Variants in VWA5B2 observed in about 807,000 individuals in gnomAD.
The protein encoded by VWA5B2 is von Willebrand factor A domain containing 5B2, also known as von Willebrand factor A domain-containing protein 5B2.
A neutral mutation model predicts 118.5 loss-of-function variants in VWA5B2; 93 were observed. The ratio of observed to expected loss-of-function variants is 0.79; its 90% CI spans 0.66 to 0.93. VWA5B2 has a LOEUF of 0.93. Among genes scored for constraint, VWA5B2 ranks in the 40% least tolerant of loss-of-function variants. VWA5B2 has a pLI of 0.00. For synonymous variants in VWA5B2, 708 were observed against 716.3 expected (o/e 0.99, Z 0.19); for missense variants, 1,546 against 1,672.8 (o/e 0.92, Z 1.32).
rs79783041 is a variant in VWA5B2 at position 184,231,527 on chromosome 3, A to G, written c.310+610A>G. ...GAAACCCTCCCTGACTCTCCCACAA[A>G]TAGCTGCACTGTTTCCTGGCTCCCC... On this transcript the variant is annotated intron_variant, in intron 3 of 19. Coordinates refer to ENST00000691901, the MANE Select transcript of VWA5B2 (RefSeq NM_001390846.1). Among the ~76,000 whole-genome samples the G allele has an allele frequency of 3.5e-3, 540 of 152,234 alleles. 4 individuals carry two copies. The highest frequency in any genetic ancestry group is 0.013 in the African/African-American group (520 of 41,534).
In VWA5B2 at chr3:184,241,437, C is replaced by CG; in HGVS notation, c.3180+37dup. The stretch of plus-strand genomic sequence containing the variant: ...CTCGGGAGGTGGAGGGTGGTGCCGC[C>CG]GGGGCCGGGCGCTGTTTCAGCTCGC... On this transcript the variant is annotated intron_variant, in intron 19 of 19. Transcript: ENST00000691901. This position sits in a 1 kb window ranked among gnomAD's most constrained non-coding sequence, Gnocchi z 5.1. 1 of 1,567,530 alleles carries CG rather than the reference C, an allele frequency of 6.4e-7. No individual in the cohort carries two copies. The highest frequency in any genetic ancestry group is 8.7e-7 in the Non-Finnish European group (1 of 1,154,858).
At chr3:184,230,210 A>G (rs962804804) in intron 1 of VWA5B2, among the ~76,000 whole-genome samples, 170 bp from the exon 2 acceptor site, 1 of 152,038 alleles carries the variant, frequency 6.6e-6, no homozygotes, top group African/African-American at 2.4e-5. Context: ...GCGGTGGAAC[A>G]GCTGTGACCG....
Position 184,241,091 on chromosome 3 carries a change from T to C in VWA5B2, c.2946T>C (p.Thr982=). The change falls in exon 18 of 20, where the codon ACT becomes ACC. Residue 982 remains threonine (T), a synonymous_variant. Coordinates refer to ENST00000691901, the MANE Select transcript of VWA5B2 (RefSeq NM_001390846.1). The surrounding 1 kb of genome is among the most constrained non-coding windows in gnomAD (Gnocchi z 5.1). ...HSHLDAAPLP[T]VVYSKGLQRG... ...ATCTAGATGCAGCTCCTCTGCCCACTGTTGTCTACTCTAAAGGTAACACCC... is the reference window on the plus strand; with the variant it reads ...ATCTAGATGCAGCTCCTCTGCCCACCGTTGTCTACTCTAAAGGTAACACCC... The C allele has an allele frequency of 6.4e-7, 1 of 1,551,696 alleles. No individual in the cohort carries two copies. Among genetic ancestry groups the C allele is most frequent in the Non-Finnish European group, 8.7e-7 (1 of 1,146,994 alleles).
rs1373485728 is a variant in VWA5B2, at chr3:184,230,501, G to C, written c.-28G>C. 4.9e-6 allele frequency: 7 copies of C among 1,430,998 alleles called. No individual in the cohort carries two copies. In the African/African-American group the frequency reaches 9.0e-5, roughly 18 times the overall value. The allele number at this position is 1,430,998 out of a possible 1,614,324, so 88.6% of individuals were successfully genotyped here. ...ACCCTGCGCCCAGCTTCCCCGGCCC[G>C]TTCCCGCAGGGCCGGCCTCCCGGCG... On this transcript the variant is annotated 5_prime_UTR_variant, in exon 2 of 20. Coordinates refer to ENST00000691901, the MANE Select transcript of VWA5B2 (RefSeq NM_001390846.1).
In VWA5B2 at chr3:184,239,702, C is replaced by T; in HGVS notation, c.2406C>T (p.Ser802=). 6.8e-7 allele frequency: 1 copy of T among 1,478,828 alleles called. No homozygotes were observed. Among genetic ancestry groups the T allele is most frequent in the Non-Finnish European group, 9.0e-7 (1 of 1,107,920 alleles). 91.6% of individuals were successfully genotyped at this position (1,478,828 alleles called of 1,614,324 possible). A position where few individuals can be genotyped will look rare whatever the true frequency, so the allele number is the denominator to read the frequency against. ...QGLDDSGNLL[S]PAPMDWDMLM... ...TTGCCTCCCCAGGAAACCTGCTCTC[C>T]CCAGCCCCTATGGACTGGGACATGC... is the stretch of plus-strand genomic sequence containing the variant. Residue 802 remains serine (S), a synonymous_variant, in exon 16 of 20, where the codon TCC becomes TCT. Transcript: ENST00000691901. The surrounding 1 kb of genome is among the most constrained non-coding windows in gnomAD (Gnocchi z 5.1).
chr3:184,236,307 G>A lies in VWA5B2; in HGVS notation c.1213-36G>A, dbSNP rs1256138166. 3 of 1,551,216 alleles carry A rather than the reference G, an allele frequency of 1.9e-6. No individual in the cohort carries two copies. In the South Asian group the frequency reaches 3.6e-5, roughly 18 times the overall value. On this transcript the variant is annotated intron_variant, in intron 9 of 19. Transcript: ENST00000691901. ...CTGGGGGCCTTACAGAGAGGTTTCAGCCCAGTGCGTCCCAGCCTGTGCCTT... is the reference window on the plus strand; with the variant it reads ...CTGGGGGCCTTACAGAGAGGTTTCAACCCAGTGCGTCCCAGCCTGTGCCTT...
rs1718322158 is a variant in VWA5B2 at position 184,239,387 on chromosome 3, C to T, written c.2203-7C>T. The T allele has an allele frequency of 3.3e-6, 5 of 1,532,100 alleles. No homozygotes were observed. In the South Asian group the frequency reaches 6.0e-5, roughly 19 times the overall value. The allele number at this position is 1,532,100 out of a possible 1,614,324, so 94.9% of individuals were successfully genotyped here. A position where few individuals can be genotyped will look rare whatever the true frequency, so the allele number is the denominator to read the frequency against. ...CTTGACCAGTGGCCCCCATATCTCA[C>T]ATGCAGGTGGGGGCCTTGAGTACTG... On this transcript the variant is annotated splice_polypyrimidine_tract_variant and splice_region_variant and intron_variant, in intron 14 of 19. Coordinates refer to ENST00000691901, the MANE Select transcript of VWA5B2 (RefSeq NM_001390846.1). The surrounding 1 kb of genome is among the most constrained non-coding windows in gnomAD (Gnocchi z 5.1).
Position 184,234,274 on chromosome 3 carries a change from A to G in VWA5B2, c.697A>G (p.Ser233Gly), listed in dbSNP as rs1295401027. The G allele has an allele frequency of 7.7e-6, 12 of 1,551,380 alleles. No individual in the cohort carries two copies. Among genetic ancestry groups the G allele is most frequent in the Non-Finnish European group, 9.6e-6 (11 of 1,146,966 alleles). The change falls in exon 6 of 20, where the codon AGC becomes GGC. Residue 233 changes from serine (S) to glycine (G), a missense_variant. Physicochemically the swap from Ser to Gly is moderately conservative, Grantham distance 56 (BLOSUM62 0). Coordinates refer to ENST00000691901, the MANE Select transcript of VWA5B2 (RefSeq NM_001390846.1). ...GCCTCTATGTCCCTCAGGCCTGGAG[A>G]GCCCCTCTCATGCTCTGCGGGCAGA... ...TGPCLLAGLESPSHALRADAP... is the reference protein window; with the variant it reads ...TGPCLLAGLEGPSHALRADAP...
intron 1 of VWA5B2, among the ~76,000 whole-genome samples, chr3:184,230,020 A>C (rs1717204755): frequency 6.6e-6 from 1 of 152,124 alleles, no homozygotes; most frequent in African/African-American, 2.4e-5. Context: ...TCGGCGCCCC[A>C]TCCACCCTGC....
rs1655009194 is a variant in VWA5B2, at chr3:184,233,463, G to T, written c.530+66G>T. ...CTCTGGGTCTAGTGCGGGTGAGGGG[G>T]CACTGGCAGGGTACCCAGGGATGGG... On this transcript the variant is annotated intron_variant, in intron 4 of 19. Transcript: ENST00000691901. The surrounding 1 kb of genome is among the most constrained non-coding windows in gnomAD (Gnocchi z 5.2). 1 of 1,501,298 alleles carries T rather than the reference G, an allele frequency of 6.7e-7. No individual in the cohort carries two copies. The highest frequency in any genetic ancestry group is 8.9e-7 in the Non-Finnish European group (1 of 1,122,312). The allele number at this position is 1,501,298 out of a possible 1,614,324, so 93.0% of individuals were successfully genotyped here.
At position 184,241,567 on chromosome 3, in the gene VWA5B2, C is replaced by A; in HGVS notation, c.3258C>A (p.Arg1086=). The A allele has an allele frequency of 6.5e-7, 1 of 1,548,714 alleles. No individual in the cohort carries two copies. The highest frequency in any genetic ancestry group is 1.4e-5 in the African/African-American group (1 of 73,188). The change falls in exon 20 of 20, where the codon CGC becomes CGA. Residue 1086 remains arginine, a synonymous_variant. Coordinates refer to ENST00000691901, the MANE Select transcript of VWA5B2 (RefSeq NM_001390846.1). The surrounding 1 kb of genome is among the most constrained non-coding windows in gnomAD (Gnocchi z 5.1). Reference sequence around the variant, plus strand: ...CCGCTGTGCGCATCTCGCAGGAGCGCCTCTGCCGTGCCTCGCCCTTTGCCG... The same window carrying A: ...CCGCTGTGCGCATCTCGCAGGAGCGACTCTGCCGTGCCTCGCCCTTTGCCG... The part of the protein sequence containing the change: ...FCAAVRISQE[R]LCRASPFAVH...
intron 3 of VWA5B2, 96 bp downstream of exon 3, chr3:184,231,013 G>A (rs1297666094): frequency 8.4e-7 from 1 of 1,191,066 alleles, no homozygotes. Context: ...GCCTTCCTCC[G>A]GGCACTGCCT....
At chr3:184,234,161 C>G (rs530168798) in intron 5 of VWA5B2, 105 bp from the exon 6 acceptor site, 10 of 1,400,612 alleles carry the variant, frequency 7.1e-6, no homozygotes, top group Middle Eastern at 3.6e-4. Context: ...CCATATAGAT[C>G]AGACTCTGAG....
In VWA5B2 at chr3:184,241,451, GT is replaced by G; in HGVS notation, c.3181-36del. ...GGTGGTGCCGCCGGGGCCGGGCGCTGTTTCAGCTCGCTTCTCCCCCCACCTC... is the reference window on the plus strand; with the variant it reads ...GGTGGTGCCGCCGGGGCCGGGCGCTGTTCAGCTCGCTTCTCCCCCCACCTC... On this transcript the variant is annotated intron_variant, in intron 19 of 19. Transcript: ENST00000691901. The surrounding 1 kb of genome is among the most constrained non-coding windows in gnomAD (Gnocchi z 5.1). 1 of 1,560,436 alleles carries G rather than the reference GT, an allele frequency of 6.4e-7. No homozygotes were observed.
Position 184,233,383 on chromosome 3 carries a change from GCT to G in VWA5B2, c.519_520del (p.Cys174Ter). The G allele has an allele frequency of 6.5e-7, 1 of 1,536,922 alleles. No individual in the cohort carries two copies. The highest frequency in any genetic ancestry group is 8.8e-7 in the Non-Finnish European group (1 of 1,141,652). On this transcript the variant is annotated frameshift_variant, in exon 4 of 20. Transcript: ENST00000691901. LOFTEE classifies it high-confidence loss of function. The surrounding 1 kb of genome is among the most constrained non-coding windows in gnomAD (Gnocchi z 5.2). Reference protein sequence around the residue: ...GPPGPPRPPGLCDDSPTSCFG... With the variant: ...GPPGPPRPPGXCDDSPTSCFG... ...CGCCGGGGCCCCCCAGGCCTCCGGG[GCT>G]CTGTGACGACAGGTTGGGCCTATGG... is the stretch of plus-strand genomic sequence containing the variant.
rs1234947068 is a variant in VWA5B2 at position 184,238,773 on chromosome 3, T to G, written c.2102T>G (p.Leu701Trp). The G allele has an allele frequency of 6.5e-7, 1 of 1,549,778 alleles. No individual in the cohort carries two copies. The highest frequency in any genetic ancestry group is 1.2e-5 in the South Asian group (1 of 84,016). Residue 701 changes from leucine to tryptophan, a missense_variant, in exon 14 of 20, where the codon TTG becomes TGG. Leu to Trp is a moderately conservative substitution (Grantham distance 61, BLOSUM62 -2). Around this residue, in one of 3 missense-constraint regions of VWA5B2, gnomAD observed 763 missense variants for 766.6 expected, o/e 1.00. Coordinates refer to ENST00000691901, the MANE Select transcript of VWA5B2 (RefSeq NM_001390846.1). The surrounding 1 kb of genome is among the most constrained non-coding windows in gnomAD (Gnocchi z 5.0). ...GPGSPEGSAPLEPPSQQGCRS... is the reference protein window; with the variant it reads ...GPGSPEGSAPWEPPSQQGCRS... ...GGCTCCCCCGAAGGTAGTGCTCCCTTGGAGCCCCCTTCTCAGCAGGGCTGC... is the reference window on the plus strand; with the variant it reads ...GGCTCCCCCGAAGGTAGTGCTCCCTGGGAGCCCCCTTCTCAGCAGGGCTGC...
chr3:184,241,563 A>G lies in VWA5B2; in HGVS notation c.3254A>G (p.Glu1085Gly). The G allele has an allele frequency of 1.3e-6, 2 of 1,549,024 alleles. No individual in the cohort carries two copies. The change falls in exon 20 of 20, where the codon GAG (glutamate) becomes GGG (glycine). Residue 1085 changes from glutamate to glycine, a missense_variant. This residue lies in a region of VWA5B2 where 763 missense variants were observed against 766.6 expected (regional missense o/e 1.00). Transcript: ENST00000691901. The surrounding 1 kb of genome is among the most constrained non-coding windows in gnomAD (Gnocchi z 5.1). ...PFCAAVRISQERLCRASPFAV... is the reference protein window; with the variant it reads ...PFCAAVRISQGRLCRASPFAV... ...TGCGCCGCTGTGCGCATCTCGCAGG[A>G]GCGCCTCTGCCGTGCCTCGCCCTTT... is the stretch of plus-strand genomic sequence containing the variant.
intron 7 of VWA5B2, 35 bp downstream of exon 7, chr3:184,234,790 T>G (rs2108422858): frequency 6.5e-7 from 1 of 1,550,198 alleles, no homozygotes; most frequent in South Asian, 1.2e-5. Flanking sequence ...GCCCCTGGCC[T>G]TGGCTGCATT....
rs1176703890 is a variant in VWA5B2 at position 184,230,628 on chromosome 3, C to T, written c.100C>T (p.Arg34Trp). Reference protein sequence around the residue: ...ANGPCLSVRARLTYRNPQPQP... With the variant: ...ANGPCLSVRAWLTYRNPQPQP... Reference sequence around the variant, plus strand: ...CGGCCCCTGCCTCAGCGTGCGGGCCCGGCTCACCTACCGCAACCCGCAGCC... The same window carrying T: ...CGGCCCCTGCCTCAGCGTGCGGGCCTGGCTCACCTACCGCAACCCGCAGCC... The change falls in exon 2 of 20, where the codon CGG becomes TGG. Residue 34 changes from arginine (R) to tryptophan (W), a missense_variant. Around this residue, in one of 3 missense-constraint regions of VWA5B2, gnomAD observed 775 missense variants for 882.3 expected, o/e 0.88. Transcript: ENST00000691901. 2 of 1,401,590 alleles carry T rather than the reference C, an allele frequency of 1.4e-6. No homozygotes were observed. The highest frequency in any genetic ancestry group is 1.8e-6 in the Non-Finnish European group (2 of 1,082,588). The allele number at this position is 1,401,590 out of a possible 1,614,324, so 86.8% of individuals were successfully genotyped here.
Sources: gnomAD v4.1 joint callset for allele counts (sites outside exome capture counted in the v4.1 genomes callset) on GRCh38, gnomAD v4.1.1 for gene constraint, gnomAD v4.1.1 regional missense constraint, Gnocchi (gnomAD v3.1) non-coding constraint, MANE v1.5 for transcripts, NCBI Gene and HGNC (gene_info 2026-07-23, HGNC 2026-07-21) for gene names.